The following KLF12 variants were observed in gnomAD, a reference collection of about 807,000 sequenced individuals.
KLF12 encodes the protein KLF transcription factor 12, also known as Krueppel-like factor 12.
KLF12 carries 9 observed loss-of-function variants against 37.8 expected under a neutral mutation model. That is an observed-to-expected ratio of 0.24 (90% CI 0.14 to 0.42). The LOEUF (loss-of-function observed/expected upper bound fraction) is 0.42, where lower values mean the gene tolerates loss of function less well. Among genes scored for constraint, KLF12 ranks in the 10% least tolerant of loss-of-function variants. The pLI, the probability that KLF12 is intolerant of heterozygous loss-of-function variation, is 1.00. For synonymous variants in KLF12, 208 were observed against 202.1 expected, an observed-to-expected ratio of 1.03 and a Z score of -0.25; for missense variants, 411 against 516.0, an observed-to-expected ratio of 0.80 and a Z score of 1.97.
the KLF12 span, among the ~76,000 whole-genome samples, chr13:74,217,819 G>A: frequency 2.0e-5 from 3 of 152,198 alleles, no homozygotes; most frequent in Non-Finnish European, 4.4e-5. Flanking sequence ...TCCTTACAAT[G>A]TATTCATATG....
At chr13:73,973,934 C>T (rs1449774766) in intron 2 of KLF12, among the ~76,000 whole-genome samples, 1 of 151,808 alleles carries the variant, frequency 6.6e-6, no homozygotes, top group African/African-American at 2.4e-5. Context: ...TACCGGAGAC[C>T]AAAAATTTAT....
chr13:74,300,681 A>G, the KLF12 span, among the ~76,000 whole-genome samples: 6 of 152,154 alleles, frequency 3.9e-5, no homozygotes, highest in Non-Finnish European at 7.4e-5. Flanking sequence ...TATAAAATTC[A>G]TCCTTGCAGT....
chr13:73,818,196 A>G (rs1030336980), intron 4 of KLF12, among the ~76,000 whole-genome samples: 8 of 152,268 alleles, frequency 5.3e-5, no homozygotes, highest in Non-Finnish European at 8.8e-5. Flanking sequence ...CCTAGGCTGG[A>G]GCGCAATGGC....
the KLF12 span, among the ~76,000 whole-genome samples, chr13:74,214,451 C>T: frequency 6.6e-6 from 1 of 152,148 alleles, no homozygotes; most frequent in African/African-American, 2.4e-5. Context: ...TTGAGATGAT[C>T]TGGGAGATCT....
chr13:73,864,744 G>A (rs1048928439), intron 3 of KLF12, among the ~76,000 whole-genome samples: 2 of 152,014 alleles, frequency 1.3e-5, no homozygotes, highest in African/African-American at 4.8e-5. Context: ...CATCATTCAG[G>A]AAGTGCTAAA....
the KLF12 span, among the ~76,000 whole-genome samples, chr13:74,181,144 A>G: frequency 1.2e-4 from 18 of 151,732 alleles, no homozygotes; most frequent in Non-Finnish European, 2.6e-4. Context: ...GATTACAGGC[A>G]TGCGCCACCA....
At chr13:73,732,879 T>G (rs1244470075) in intron 6 of KLF12, among the ~76,000 whole-genome samples, 7 of 151,996 alleles carry the variant, frequency 4.6e-5, no homozygotes, top group African/African-American at 1.4e-4. Context: ...CCAAACCCAC[T>G]CCTTTCCCAG....
intron 3 of KLF12, among the ~76,000 whole-genome samples, chr13:73,893,033 A>G (rs2139031735): frequency 6.6e-6 from 1 of 152,194 alleles, no homozygotes; most frequent in African/African-American, 2.4e-5. Flanking sequence ...AGAGAAAAAA[A>G]AAAAAACCCT....
chr13:74,258,552 A>G, the KLF12 span: 1 of 152,216 alleles, frequency 6.6e-6, no homozygotes, highest in Admixed American at 6.5e-5. Flanking sequence ...AAATTTTTGT[A>G]AACGCGGGAT....
intron 4 of KLF12, among the ~76,000 whole-genome samples, chr13:73,840,463 C>T (rs1298708955): frequency 6.6e-6 from 1 of 152,112 alleles, no homozygotes; most frequent in Non-Finnish European, 1.5e-5. Flanking sequence ...AAATGTGGAA[C>T]AGGCATATCA....
the KLF12 span, among the ~76,000 whole-genome samples, chr13:74,231,178 G>T: frequency 6.6e-6 from 1 of 151,480 alleles, no homozygotes; most frequent in African/African-American, 2.4e-5. Flanking sequence ...TCACTCCTTG[G>T]CTACTTCAGG....
chr13:74,240,087 G>A, the KLF12 span, among the ~76,000 whole-genome samples: 2 of 152,130 alleles, frequency 1.3e-5, no homozygotes, highest in African/African-American at 4.8e-5. Context: ...GGTACCGGTT[G>A]TTCTTTTCCA....
chr13:74,088,498 G>T lies in KLF12; in HGVS notation c.-32+45241C>A, dbSNP rs556537584. 5.9e-5 allele frequency among the ~76,000 whole-genome samples: 9 copies of T among 152,222 alleles called. No homozygotes were observed. The East Asian group carries it at 1.2e-3, about 20-fold the overall frequency. On this transcript the variant is annotated intron_variant, in intron 1 of 7. Transcript: ENST00000377669. Reference sequence around the variant, plus strand: ...CCACCACAGCTTCCCAAAGTGCTGGGATTGCAGGCATAAGCCACCGTGCCG... The same window carrying T: ...CCACCACAGCTTCCCAAAGTGCTGGTATTGCAGGCATAAGCCACCGTGCCG...
chr13:74,086,517 T>C (rs1268298013), intron 1 of KLF12, among the ~76,000 whole-genome samples: 2 of 152,126 alleles, frequency 1.3e-5, no homozygotes, highest in Non-Finnish European at 2.9e-5. Context: ...CAGTCTATCA[T>C]TGTTGGACAT....
chr13:74,304,630 A>C, the KLF12 span, among the ~76,000 whole-genome samples: 1 of 152,162 alleles, frequency 6.6e-6, no homozygotes, highest in East Asian at 1.9e-4. Flanking sequence ...GAACAAAGAA[A>C]GGACGATAAT....
chr13:74,180,405 G>A, the KLF12 span, among the ~76,000 whole-genome samples: 1 of 152,152 alleles, frequency 6.6e-6, no homozygotes. Flanking sequence ...AGAAATTACT[G>A]TCTTTGCCAA....
At chr13:73,952,099 C>T (rs1379514123) in intron 2 of KLF12, among the ~76,000 whole-genome samples, 6 of 152,102 alleles carry the variant, frequency 3.9e-5, no homozygotes, top group African/African-American at 1.2e-4. Context: ...CAGAATTTGG[C>T]ATGGCTAAAA....
At chr13:74,128,496 A>G (rs1160927662) in intron 1 of KLF12, among the ~76,000 whole-genome samples, 3 of 152,174 alleles carry the variant, frequency 2.0e-5, no homozygotes, top group East Asian at 3.9e-4. Context: ...TGTAAACTAC[A>G]TATTATTTTT....
intron 1 of KLF12, among the ~76,000 whole-genome samples, chr13:74,018,283 A>G (rs1892753148): frequency 6.6e-6 from 1 of 152,204 alleles, no homozygotes; most frequent in Non-Finnish European, 1.5e-5. Flanking sequence ...AGTAGAGAGC[A>G]GAATGGTGGT....
Sources: allele counts gnomAD v4.1 joint callset (sites outside exome capture counted in the v4.1 genomes callset), GRCh38; gene constraint gnomAD v4.1.1; transcripts MANE v1.5; gene names NCBI Gene and HGNC (gene_info 2026-07-23, HGNC 2026-07-21).